DOCK11: variants seen among roughly 807,000 people sequenced by gnomAD.
DOCK11 encodes the protein dedicator of cytokinesis 11, also known as dedicator of cytokinesis protein 11.
Under a neutral mutation model 169.1 loss-of-function variants are expected in DOCK11, and 70 were observed. The observed-to-expected ratio is 0.41, with a 90% CI of 0.34 to 0.51. The LOEUF is 0.51. Among genes scored for constraint, DOCK11 ranks in the 20% least tolerant of loss-of-function variants. The pLI, the probability that DOCK11 is intolerant of heterozygous loss-of-function variation, is 0.10. For synonymous variants in DOCK11, 529 were observed against 541.3 expected, an observed-to-expected ratio of 0.98 and a Z score of 0.32; for missense variants, 1,166 against 1,538.8, an observed-to-expected ratio of 0.76 and a Z score of 4.05.
chrX:118,500,485 C>T (rs1329902006), intron 1 of DOCK11, among the ~76,000 whole-genome samples: 1 of 111,745 alleles, frequency 8.9e-6, no homozygotes, highest in Non-Finnish European at 1.9e-5. Flanking sequence ...ACCTTTCTCT[C>T]TTTCTATGTG....
rs769057306 is a variant in DOCK11, at chrX:118,500,483, CTCTT to C, written c.102+4414_102+4417del. On this transcript the variant is annotated intron_variant, in intron 1 of 52. Transcript: ENST00000276202. ...TTTTAATGTAAATATTTACCTTTCT[CTCTT>C]TCTATGTGTATATATACACATCTAT... 3.6e-4 allele frequency among the ~76,000 whole-genome samples: 40 copies of C among 111,833 alleles called. No individual in the cohort carries two copies. In the East Asian group the frequency reaches 9.5e-3, roughly 26 times the overall value.
At chrX:118,683,331 T>G (rs2016786528) in intron 52 of DOCK11, 114 bp downstream of exon 52, 3 of 830,884 alleles carry the variant, frequency 3.6e-6, no homozygotes, top group Non-Finnish European at 3.3e-6. Context: ...GTCTATATTT[T>G]AAACTTTTTT....
chrX:118,543,135 T>G, intron 3 of DOCK11, 120 bp downstream of exon 3: 2 of 542,702 alleles, frequency 3.7e-6, no homozygotes, highest in South Asian at 7.8e-5. Flanking sequence ...ATATTTAAAG[T>G]AGTCTTCCTT....
chrX:118,575,288 C>G (rs2013409230), intron 12 of DOCK11, among the ~76,000 whole-genome samples: 1 of 111,199 alleles, frequency 9.0e-6, no homozygotes, highest in Admixed American at 9.6e-5. Flanking sequence ...CTACTGTATT[C>G]TTTTAATATC....
At position 118,626,256 on chromosome X, in the gene DOCK11, ACG is replaced by A. The variant is rs1491409828; in HGVS notation, c.3589-1247_3589-1246del. On this transcript the variant is annotated intron_variant, in intron 32 of 52. Coordinates refer to ENST00000276202, the MANE Select transcript of DOCK11 (RefSeq NM_144658.4). ...AATTTTTTTTGTACTTTTAGTAGAG[ACG>A]GGGGGTTTCACCATGTTGGCCAAGC... 8.5e-5 allele frequency among the ~76,000 whole-genome samples: 5 copies of A among 58,817 alleles called. No homozygotes were observed. In the Admixed American group the frequency reaches 1.2e-3, roughly 14 times the overall value. 51.1% of individuals were successfully genotyped at this position (58,817 alleles called of 115,157 possible). A position where few individuals can be genotyped will look rare whatever the true frequency, so the allele number is the denominator to read the frequency against.
rs184558626 is a variant in DOCK11 at position 118,564,547 on chromosome X, G to T, written c.694-1458G>T. On this transcript the variant is annotated intron_variant, in intron 7 of 52. Transcript: ENST00000276202. ...CCTTGTGTGGTGGTATTCAGCACAG[G>T]TTACTTCCATGTATTTTATGGAGAG... Among the ~76,000 whole-genome samples the T allele has an allele frequency of 8.7e-4, 97 of 112,069 alleles. 1 individual carries two copies. Among genetic ancestry groups the T allele is most frequent in the Admixed American group, 6.4e-3 (68 of 10,623 alleles).
chrX:118,510,618 C>T (rs1365364649), intron 1 of DOCK11, among the ~76,000 whole-genome samples: 1 of 110,701 alleles, frequency 9.0e-6, no homozygotes, highest in Non-Finnish European at 1.9e-5. Flanking sequence ...ATGTGTGTGG[C>T]GGGGGGTCAG....
At chrX:118,583,306 C>T (rs1034558733) in intron 14 of DOCK11, among the ~76,000 whole-genome samples, 4 of 110,679 alleles carry the variant, frequency 3.6e-5, no homozygotes, top group Non-Finnish European at 5.7e-5. Context: ...GGAGGGATAA[C>T]ATTAGGAGAA....
In DOCK11 at chrX:118,662,782, A is replaced by G; in HGVS notation, c.5066A>G (p.His1689Arg). The G allele has an allele frequency of 8.7e-7, 1 of 1,146,664 alleles. No homozygotes were observed. The highest frequency in any genetic ancestry group is 1.2e-6 in the Non-Finnish European group (1 of 838,881). 94.5% of individuals were successfully genotyped at this position (1,146,664 alleles called of 1,213,427 possible). The change falls in exon 45 of 53, where the codon CAT becomes CGT. Residue 1689 changes from histidine to arginine, a missense_variant. Physicochemically the swap from His to Arg is conservative, Grantham distance 29. Transcript: ENST00000276202. ...GAAGATGCTGGGATGATGGATGTCC[A>G]TTATAGTGAAGTAAGGATTCCAGGG... The part of the protein sequence containing the change: ...MKEDAGMMDV[H>R]YSEEVLLELL...
At chrX:118,612,322 T>A in intron 28 of DOCK11, among the ~76,000 whole-genome samples, 2 of 112,324 alleles carry the variant, frequency 1.8e-5, no homozygotes, top group South Asian at 7.4e-4. Context: ...TACACTAGCC[T>A]TTTTTGTGTA....
intron 45 of DOCK11, among the ~76,000 whole-genome samples, chrX:118,664,781 G>A (rs747445864): frequency 3.6e-5 from 4 of 111,758 alleles, no homozygotes; most frequent in South Asian, 3.8e-4. Flanking sequence ...AGTGAAGACC[G>A]GAGAATCAAG....
intron 45 of DOCK11, among the ~76,000 whole-genome samples, chrX:118,670,112 A>G (rs753626998): frequency 2.7e-5 from 3 of 112,089 alleles, no homozygotes; most frequent in Non-Finnish European, 5.6e-5. Flanking sequence ...AATTCAACCC[A>G]TAACAGACAA....
intron 40 of DOCK11, among the ~76,000 whole-genome samples, chrX:118,647,499 ATATAT>A (rs1379192531): frequency 1.5e-4 from 11 of 71,205 alleles, no homozygotes; most frequent in East Asian, 1.1e-3. Flanking sequence ...TTATTATATA[ATATAT>A]TATATAATAA....
chrX:118,555,562 G>GA (rs150006034), intron 6 of DOCK11, among the ~76,000 whole-genome samples: 30,275 of 94,694 alleles, frequency 0.32, 4,058 homozygotes, highest in East Asian at 0.5. Context: ...ATCTTGAAAA[G>GA]AAAAAAAAAA....
chrX:118,599,310 AACAG>A (rs755315924), intron 23 of DOCK11, 82 bp downstream of exon 23: 69 of 712,215 alleles, frequency 9.7e-5, no homozygotes, highest in Admixed American at 1.9e-4. Flanking sequence ...AAAAAAAGCA[AACAG>A]ACAGTTTAAA....
chrX:118,561,232 A>G, intron 6 of DOCK11, 151 bp from the exon 7 acceptor site: 1 of 425,024 alleles, frequency 2.4e-6, no homozygotes, highest in Non-Finnish European at 3.8e-6. Flanking sequence ...AAAAATGAAG[A>G]TAATGATAAT....
At chrX:118,594,599 T>C (rs1450313651) in intron 20 of DOCK11, among the ~76,000 whole-genome samples, 3 of 111,848 alleles carry the variant, frequency 2.7e-5, no homozygotes, top group Non-Finnish European at 5.6e-5. Flanking sequence ...TAGTAGGCAC[T>C]TTGGAGAATA....
chrX:118,571,914 G>C (rs1218602282), intron 10 of DOCK11, among the ~76,000 whole-genome samples: 1 of 111,767 alleles, frequency 8.9e-6, no homozygotes, highest in Non-Finnish European at 1.9e-5. Flanking sequence ...TGACAGAGTA[G>C]CAAGTGCAAA....
chrX:118,655,775 A>G (rs2016051516), intron 44 of DOCK11, among the ~76,000 whole-genome samples: 1 of 112,382 alleles, frequency 8.9e-6, no homozygotes, highest in African/African-American at 3.2e-5. Flanking sequence ...TCAATGTCCA[A>G]GCTACTTCCT....
Sources: gnomAD v4.1 joint callset for allele counts (sites outside exome capture counted in the v4.1 genomes callset) on GRCh38, gnomAD v4.1.1 for gene constraint, MANE v1.5 for transcripts, NCBI Gene and HGNC (gene_info 2026-07-23, HGNC 2026-07-21) for gene names.